GHR: variants seen among roughly 807,000 people sequenced by gnomAD.
GHR encodes the protein GH receptor.
GHR carries 35 observed loss-of-function variants against 67.1 expected under a neutral mutation model. The observed-to-expected ratio is 0.52, with a 90% CI of 0.40 to 0.69. The LOEUF (loss-of-function observed/expected upper bound fraction) is 0.69. GHR is among the 30% of genes least tolerant of loss of function. GHR has a pLI of 0.00. For synonymous variants in GHR, 272 were observed against 269.1 expected (o/e 1.01, Z -0.10); for missense variants, 792 against 764.6 (o/e 1.04, Z -0.42).
rs35111599 is a variant in GHR at position 42,713,529 on chromosome 5, G to T, written c.875+10G>T. On this transcript the variant is annotated intron_variant, in intron 8 of 9. Coordinates refer to ENST00000230882, the MANE Select transcript of GHR (RefSeq NM_000163.5). ...TTTCTAAACAGCAAAGGTAGGTGTG[G>T]AGTAGTATTCTTTGGTATTTTGTAC... 2.7e-6 allele frequency: 3 copies of T among 1,116,288 alleles called. No individual in the cohort carries two copies. Among genetic ancestry groups the T allele is most frequent in the African/African-American group, 3.0e-5 (2 of 65,644 alleles). The allele number at this position is 1,116,288 out of a possible 1,614,324, so 69.1% of individuals were successfully genotyped here. A position where few individuals can be genotyped will look rare whatever the true frequency, so the allele number is the denominator to read the frequency against.
At chr5:42,436,694 A>AT (rs1743343606) in intron 1 of GHR, among the ~76,000 whole-genome samples, 1 of 152,188 alleles carries the variant, frequency 6.6e-6, no homozygotes, top group African/African-American at 2.4e-5. Context: ...TGAGTTTTGG[A>AT]TAGTTGACCT....
intron 1 of GHR, among the ~76,000 whole-genome samples, chr5:42,561,801 G>A (rs1749624329): frequency 6.6e-6 from 1 of 152,164 alleles, no homozygotes; most frequent in Admixed American, 6.5e-5. Context: ...AATATCAAAA[G>A]AAATTTAGAG....
chr5:42,653,124 A>G (rs1755089147), intron 3 of GHR, among the ~76,000 whole-genome samples: 1 of 152,122 alleles, frequency 6.6e-6, no homozygotes, highest in Non-Finnish European at 1.5e-5. Flanking sequence ...TGCCCAATAA[A>G]CATTGGCTCT....
intron 1 of GHR, among the ~76,000 whole-genome samples, chr5:42,560,036 A>AT: frequency 6.6e-6 from 1 of 152,282 alleles, no homozygotes; most frequent in East Asian, 1.9e-4. Flanking sequence ...CCATATATTA[A>AT]TTTATTAACA....
chr5:42,543,835 T>C (rs1748619850), intron 1 of GHR, among the ~76,000 whole-genome samples: 1 of 152,116 alleles, frequency 6.6e-6, no homozygotes, highest in African/African-American at 2.4e-5. Context: ...ATTCCAATCA[T>C]ATGTGTGTTG....
chr5:42,468,479 T>C, intron 1 of GHR: 1 of 799,352 alleles, frequency 1.3e-6, no homozygotes, highest in South Asian at 1.8e-5. Flanking sequence ...CCGACCAGAG[T>C]TCACTGGCTC....
chr5:42,654,596 C>T (rs76932903), intron 3 of GHR, among the ~76,000 whole-genome samples: 1,790 of 152,090 alleles, frequency 0.012, 35 homozygotes, highest in African/African-American at 0.041. Flanking sequence ...TCTCCTTTTC[C>T]GCTTACCAGA....
chr5:42,617,970 T>C (rs1753250565), intron 2 of GHR, among the ~76,000 whole-genome samples: 1 of 152,144 alleles, frequency 6.6e-6, no homozygotes, highest in African/African-American at 2.4e-5. Flanking sequence ...ATTACCGTTT[T>C]GACTCTCATT....
chr5:42,614,799 T>A (rs1753062966), intron 2 of GHR, among the ~76,000 whole-genome samples: 1 of 151,958 alleles, frequency 6.6e-6, no homozygotes, highest in South Asian at 2.1e-4. Flanking sequence ...CTCTGTTGGC[T>A]CCAGGGAGTT....
rs1742781415 is a variant in GHR at position 42,424,876 on chromosome 5, T to G, written c.-12+921T>G. ...GGCTCTCGGTCTGGCGCGGACTGTG[T>G]GTCCTGAATGAGTGTACGTGTGCGC... On this transcript the variant is annotated intron_variant, in intron 1 of 9. Coordinates refer to ENST00000230882, the MANE Select transcript of GHR (RefSeq NM_000163.5). This position sits in a 1 kb window ranked among gnomAD's most constrained non-coding sequence, Gnocchi z 4.1. 2.3e-6 allele frequency: 1 copy of G among 430,526 alleles called. No homozygotes were observed. Among genetic ancestry groups the G allele is most frequent in the Non-Finnish European group, 3.1e-6 (1 of 322,756 alleles). 26.7% of individuals were successfully genotyped at this position (430,526 alleles called of 1,614,324 possible). A position where few individuals can be genotyped will look rare whatever the true frequency, so the allele number is the denominator to read the frequency against.
intron 1 of GHR, among the ~76,000 whole-genome samples, chr5:42,431,110 C>A (rs898234029): frequency 6.6e-6 from 1 of 152,088 alleles, no homozygotes; most frequent in Admixed American, 6.6e-5. Context: ...ATTTAATTAT[C>A]AAATTTCTCT....
chr5:42,677,853 G>A (rs187985045), intron 3 of GHR, among the ~76,000 whole-genome samples: 36 of 152,134 alleles, frequency 2.4e-4, no homozygotes, highest in African/African-American at 7.2e-4. Flanking sequence ...ATCTAGTACC[G>A]ATATACTTAT....
intron 1 of GHR, among the ~76,000 whole-genome samples, chr5:42,516,921 C>T (rs1379847502): frequency 6.6e-6 from 1 of 152,098 alleles, no homozygotes; most frequent in East Asian, 1.9e-4. Flanking sequence ...CACTTGAGTG[C>T]CAGAGTGTGT....
At chr5:42,517,282 AC>A (rs1012509881) in intron 1 of GHR, among the ~76,000 whole-genome samples, 43 of 152,280 alleles carry the variant, frequency 2.8e-4, no homozygotes, top group African/African-American at 9.9e-4. Context: ...CCTTTTTAAA[AC>A]CTGAACTGAG....
At chr5:42,485,814 A>T (rs1386752666) in intron 1 of GHR, among the ~76,000 whole-genome samples, 1 of 152,208 alleles carries the variant, frequency 6.6e-6, no homozygotes, top group Non-Finnish European at 1.5e-5. Context: ...ATTTGGAAAG[A>T]TATGTAACCA....
chr5:42,565,100 T>TTA (rs1220817226), intron 1 of GHR, among the ~76,000 whole-genome samples: 1 of 152,130 alleles, frequency 6.6e-6, no homozygotes, highest in Non-Finnish European at 1.5e-5. Context: ...GTTGATCTAC[T>TTA]CTCTCCGTTA....
chr5:42,654,033 T>C (rs1026420463), intron 3 of GHR, among the ~76,000 whole-genome samples: 3 of 152,176 alleles, frequency 2.0e-5, no homozygotes, highest in African/African-American at 7.2e-5. Context: ...TCACTCTTTT[T>C]TCCTATCTCT....
chr5:42,534,180 ATG>A (rs1333685540), intron 1 of GHR, among the ~76,000 whole-genome samples: 1 of 96,274 alleles, frequency 1.0e-5, no homozygotes, highest in Admixed American at 9.3e-5. Flanking sequence ...GTATATATGT[ATG>A]TATATATGTA....
chr5:42,553,583 A>C (rs1156423814), intron 1 of GHR, among the ~76,000 whole-genome samples: 1 of 152,206 alleles, frequency 6.6e-6, no homozygotes, highest in South Asian at 2.1e-4. Context: ...AGGTGATTAC[A>C]TCGGTTTGTG....
Sources: allele counts gnomAD v4.1 joint callset (sites outside exome capture counted in the v4.1 genomes callset), GRCh38; gene constraint gnomAD v4.1.1; non-coding constraint Gnocchi (gnomAD v3.1); transcripts MANE v1.5; gene names NCBI Gene and HGNC (gene_info 2026-07-23, HGNC 2026-07-21).